The following ZYG11B variants were observed in gnomAD, a reference collection of about 807,000 sequenced individuals.
The protein encoded by ZYG11B is protein zyg-11 homolog B.
In ZYG11B, 36 loss-of-function variants were observed where a neutral mutation model predicts 82.4. That is an observed-to-expected ratio of 0.44 (90% CI 0.33 to 0.58). The LOEUF (loss-of-function observed/expected upper bound fraction) is 0.58. Ranked by LOEUF, ZYG11B falls within the 20% of genes least tolerant of loss-of-function variation. The probability of loss-of-function intolerance (pLI) is 0.02; values close to 1 mark genes in which losing one functional copy is unlikely to be tolerated. For synonymous variants in ZYG11B, 303 were observed against 312.8 expected (o/e 0.97, Z 0.33); for missense variants, 552 against 895.6 (o/e 0.62, Z 4.90).
chr1:52,745,154 C>G (rs1202784935), intron 1 of ZYG11B, among the ~76,000 whole-genome samples: 1 of 152,144 alleles, frequency 6.6e-6, no homozygotes, highest in Non-Finnish European at 1.5e-5. Context: ...TTTTAATACA[C>G]AAAACAAACT....
intron 1 of ZYG11B, among the ~76,000 whole-genome samples, chr1:52,738,758 T>C (rs1055138504): frequency 1.3e-5 from 2 of 151,768 alleles, no homozygotes; most frequent in Non-Finnish European, 2.9e-5. Flanking sequence ...TAGCTGGGAT[T>C]ACAGGCATGC....
intron 6 of ZYG11B, among the ~76,000 whole-genome samples, chr1:52,790,810 A>G (rs1371740132): frequency 7.2e-5 from 2 of 27,748 alleles, no homozygotes; most frequent in Non-Finnish European, 1.3e-4. Flanking sequence ...GTCTGTTATT[A>G]TTATCATTAT....
chr1:52,819,284 C>T (rs963203891), intron 13 of ZYG11B, among the ~76,000 whole-genome samples: 5 of 152,100 alleles, frequency 3.3e-5, no homozygotes, highest in Non-Finnish European at 5.9e-5. Context: ...ACTCATAAAT[C>T]GAAAACTGCC....
intron 2 of ZYG11B, among the ~76,000 whole-genome samples, 192 bp downstream of exon 2, chr1:52,756,815 C>CTTTTTTTTT (rs57189955): frequency 7.5e-6 from 1 of 132,568 alleles, no homozygotes; most frequent in Non-Finnish European, 1.6e-5. Context: ...AAACATTTTT[C>CTTTTTTTTT]TTTTTTTTTT....
In ZYG11B at chr1:52,821,717, G is replaced by C. The variant is rs955706245; in HGVS notation, c.*88G>C. 4 of 1,291,424 alleles carry C rather than the reference G, an allele frequency of 3.1e-6. No homozygotes were observed. In the African/African-American group the frequency reaches 5.9e-5, roughly 19 times the overall value. 80.0% of individuals were successfully genotyped at this position (1,291,424 alleles called of 1,614,324 possible). ...ATCTTACCCTCCCTGATGTTTTGGG[G>C]GTTTCTATGACAAGAGTCATAAAAT... is the stretch of plus-strand genomic sequence containing the variant. On this transcript the variant is annotated 3_prime_UTR_variant, in exon 14 of 14. Transcript: ENST00000294353.
At chr1:52,797,059 T>C (rs1225788775) in intron 8 of ZYG11B, among the ~76,000 whole-genome samples, 2 of 85,280 alleles carry the variant, frequency 2.3e-5, no homozygotes, top group Non-Finnish European at 3.9e-5. Flanking sequence ...ATATATTATA[T>C]ATATTTATAT....
chr1:52,778,545 G>A (rs1324995701), intron 3 of ZYG11B, among the ~76,000 whole-genome samples: 1 of 152,120 alleles, frequency 6.6e-6, no homozygotes, highest in East Asian at 1.9e-4. Flanking sequence ...ACCCTTAGGT[G>A]TTGTATTCTT....
intron 1 of ZYG11B, among the ~76,000 whole-genome samples, chr1:52,744,099 G>C (rs1026347916): frequency 9.2e-5 from 14 of 151,954 alleles, no homozygotes; most frequent in African/African-American, 3.4e-4. Flanking sequence ...ACCACACCCA[G>C]CTAATTTTTT....
chr1:52,818,872 C>CA (rs1203281211), intron 13 of ZYG11B, among the ~76,000 whole-genome samples: 1 of 150,962 alleles, frequency 6.6e-6, no homozygotes, highest in Non-Finnish European at 1.5e-5. Context: ...CAGCTCACCA[C>CA]AACCTACACC....
chr1:52,762,272 G>C (rs939228419), intron 2 of ZYG11B, among the ~76,000 whole-genome samples: 1 of 147,708 alleles, frequency 6.8e-6, no homozygotes, highest in Non-Finnish European at 1.5e-5. Flanking sequence ...ACAGTGGTGT[G>C]GTCATGGCTC....
intron 3 of ZYG11B, among the ~76,000 whole-genome samples, chr1:52,775,461 C>T (rs1334896937): frequency 3.3e-5 from 5 of 151,334 alleles, no homozygotes; most frequent in African/African-American, 9.7e-5. Context: ...GAGGCCAAGG[C>T]GGGCGGATCA....
At chr1:52,791,258 C>T (rs1644956947) in intron 6 of ZYG11B, among the ~76,000 whole-genome samples, 1 of 152,030 alleles carries the variant, frequency 6.6e-6, no homozygotes, top group Non-Finnish European at 1.5e-5. Flanking sequence ...CAGGCGTGAG[C>T]CACCATGCCC....
rs1465140778 is a variant in ZYG11B, at chr1:52,825,531, A to G, written c.*3902A>G. The G allele has an allele frequency of 1.3e-5, 2 of 152,090 alleles. No homozygotes were observed. The highest frequency in any genetic ancestry group is 2.4e-5 in the African/African-American group (1 of 41,420). The allele number at this position is 152,090 out of a possible 1,614,324, so 9.4% of individuals were successfully genotyped here. ...TGATATATTTCATTTGCAAACTTCT[A>G]CATAATCAAGTTTTATGTTTAAAAC... On this transcript the variant is annotated 3_prime_UTR_variant, in exon 14 of 14. Coordinates refer to ENST00000294353, the MANE Select transcript of ZYG11B (RefSeq NM_024646.3).
chr1:52,728,156 C>T (rs12069504), intron 1 of ZYG11B, among the ~76,000 whole-genome samples: 9,545 of 152,176 alleles, frequency 0.063, 977 homozygotes, highest in African/African-American at 0.22. Flanking sequence ...CCCAGGCCAG[C>T]TAGGTGCTTG....
At position 52,779,849 on chromosome 1, in the gene ZYG11B, A is replaced by G; in HGVS notation, c.952-4A>G. On this transcript the variant is annotated splice_region_variant and splice_polypyrimidine_tract_variant and intron_variant, in intron 3 of 13. Transcript: ENST00000294353. ...TCTAAAAGCTAATCTGGTTATGTTC[A>G]CAGGTGTCTGGGGAAGCCAATGAAA... The G allele has an allele frequency of 1.2e-6, 2 of 1,613,408 alleles. No individual in the cohort carries two copies. Among genetic ancestry groups the G allele is most frequent in the Non-Finnish European group, 1.7e-6 (2 of 1,179,848 alleles).
intron 13 of ZYG11B, among the ~76,000 whole-genome samples, chr1:52,820,783 G>C (rs913699273): frequency 2.0e-5 from 3 of 149,720 alleles, no homozygotes; most frequent in Non-Finnish European, 3.0e-5. Flanking sequence ...TGTGCAGTAT[G>C]AGTGCCATTA....
At chr1:52,794,739 A>G (rs1345324991) in intron 6 of ZYG11B, among the ~76,000 whole-genome samples, 1 of 152,216 alleles carries the variant, frequency 6.6e-6, no homozygotes, top group East Asian at 1.9e-4. Flanking sequence ...AGATAATCAG[A>G]TGTATTCCTT....
chr1:52,748,724 G>A (rs1344842197), intron 1 of ZYG11B, among the ~76,000 whole-genome samples: 2 of 152,070 alleles, frequency 1.3e-5, no homozygotes, highest in African/African-American at 4.8e-5. Flanking sequence ...TTAGCTGGGC[G>A]TGGTGCACGC....
At chr1:52,802,693 AAGAGAGAGAG>A (rs148334695) in intron 10 of ZYG11B, among the ~76,000 whole-genome samples, 1 of 150,256 alleles carries the variant, frequency 6.7e-6, no homozygotes, top group Non-Finnish European at 1.5e-5. Context: ...CAAAAAAAGA[AAGAGAGAGAG>A]AGAGAGAGAA....
Sources: gnomAD v4.1 joint callset for allele counts (sites outside exome capture counted in the v4.1 genomes callset) on GRCh38, gnomAD v4.1.1 for gene constraint, MANE v1.5 for transcripts, NCBI Gene and HGNC (gene_info 2026-07-23, HGNC 2026-07-21) for gene names.